TINAG: variants seen among roughly 807,000 people sequenced by gnomAD.
TINAG encodes tubulointerstitial nephritis antigen.
TINAG carries 83 observed loss-of-function variants against 72.7 expected under a neutral mutation model. That is an observed-to-expected ratio of 1.14 (90% CI 0.96 to 1.37). The LOEUF (loss-of-function observed/expected upper bound fraction) is 1.37, where lower values mean the gene tolerates loss of function less well. Ranked by LOEUF, TINAG falls within the 40% of genes most tolerant of loss-of-function variation. The pLI is 0.00. For synonymous variants in TINAG, 234 were observed against 189.9 expected (o/e 1.23, Z -1.91); for missense variants, 685 against 576.6 (o/e 1.19, Z -1.93).
chr6:54,351,877 G>A (rs1015506816), intron 8 of TINAG, among the ~76,000 whole-genome samples: 6 of 151,812 alleles, frequency 4.0e-5, no homozygotes, highest in East Asian at 1.9e-4. Context: ...GTAAACTAGT[G>A]TAATTTTACA....
intron 5 of TINAG, among the ~76,000 whole-genome samples, 187 bp downstream of exon 5, chr6:54,343,536 T>A (rs1409764039): frequency 2.0e-5 from 3 of 151,554 alleles, no homozygotes; most frequent in Non-Finnish European, 4.4e-5. Context: ...TCTAAAAGTT[T>A]TTTTTTTTTA....
intron 3 of TINAG, among the ~76,000 whole-genome samples, chr6:54,322,333 C>CAA (rs148020265): frequency 1.4e-4 from 20 of 146,780 alleles, no homozygotes; most frequent in African/African-American, 4.3e-4. Context: ...AACAAACAAA[C>CAA]AAAAAAAAAA....
chr6:54,361,205 A>G (rs1423821586), intron 9 of TINAG, among the ~76,000 whole-genome samples: 2 of 151,498 alleles, frequency 1.3e-5, no homozygotes, highest in Non-Finnish European at 3.0e-5. Context: ...CAACAATATT[A>G]AAATTATGGT....
At chr6:54,388,195 A>G (rs1380059017) in intron 10 of TINAG, among the ~76,000 whole-genome samples, 1 of 152,198 alleles carries the variant, frequency 6.6e-6, no homozygotes, top group Non-Finnish European at 1.5e-5. Flanking sequence ...ATATAGATAC[A>G]GATATATGAA....
chr6:54,388,745 A>C (rs2150987390), intron 10 of TINAG, among the ~76,000 whole-genome samples: 1 of 152,032 alleles, frequency 6.6e-6, no homozygotes, highest in South Asian at 2.1e-4. Flanking sequence ...CAAGCTTTTA[A>C]CCCAGGAGTC....
At chr6:54,387,025 C>G in intron 10 of TINAG, among the ~76,000 whole-genome samples, 1 of 151,892 alleles carries the variant, frequency 6.6e-6, no homozygotes. Flanking sequence ...CTGACAAGTC[C>G]TCACATATAC....
intron 10 of TINAG, among the ~76,000 whole-genome samples, chr6:54,387,049 T>G (rs1764118216): frequency 6.6e-6 from 1 of 152,104 alleles, no homozygotes; most frequent in South Asian, 2.1e-4. Context: ...AAATAGACAT[T>G]CTTACAAATA....
chr6:54,363,421 G>T (rs779262035), intron 9 of TINAG, among the ~76,000 whole-genome samples: 7 of 151,320 alleles, frequency 4.6e-5, no homozygotes, highest in Non-Finnish European at 8.9e-5. Context: ...GATATGAGTG[G>T]ATCAAGACAT....
intron 5 of TINAG, 48 bp downstream of exon 5, chr6:54,343,397 T>C: frequency 7.2e-7 from 1 of 1,386,958 alleles, no homozygotes; most frequent in South Asian, 2.1e-5. Flanking sequence ...TCCTTTTGGC[T>C]CTAGAGACTG....
intron 4 of TINAG, among the ~76,000 whole-genome samples, chr6:54,337,217 G>C (rs1784886359): frequency 1.4e-5 from 2 of 143,262 alleles, no homozygotes; most frequent in South Asian, 4.6e-4. Context: ...AATTTTCCAA[G>C]TTTAGTTTCT....
At chr6:54,309,534 T>A (rs1437586985) in intron 1 of TINAG, among the ~76,000 whole-genome samples, 1 of 152,202 alleles carries the variant, frequency 6.6e-6, no homozygotes, top group Non-Finnish European at 1.5e-5. Context: ...TCATATAGAC[T>A]GGTTGAAAAA....
chr6:54,359,031 G>A (rs557334653), intron 9 of TINAG, among the ~76,000 whole-genome samples: 23 of 151,604 alleles, frequency 1.5e-4, no homozygotes, highest in African/African-American at 5.1e-4. Context: ...ATTTTTCTTC[G>A]GTACAGAACA....
At position 54,354,389 on chromosome 6, in the gene TINAG, C is replaced by A. The variant is rs1237178304; in HGVS notation, c.1127-124C>A. 2.1e-5 allele frequency: 18 copies of A among 853,134 alleles called. No individual in the cohort carries two copies. The East Asian group carries it at 4.5e-4, about 21-fold the overall frequency. The allele number at this position is 853,134 out of a possible 1,614,324, so 52.8% of individuals were successfully genotyped here. On this transcript the variant is annotated intron_variant, in intron 8 of 10. Coordinates refer to ENST00000259782, the MANE Select transcript of TINAG (RefSeq NM_014464.4). ...TAGGAAAGAAAATTAGGCTGAATCACACAGCCCCTTCTTAGATTCATCTCC... is the reference window on the plus strand; with the variant it reads ...TAGGAAAGAAAATTAGGCTGAATCAAACAGCCCCTTCTTAGATTCATCTCC...
At chr6:54,356,371 T>TA (rs1015344496) in intron 9 of TINAG, among the ~76,000 whole-genome samples, 10 of 151,146 alleles carry the variant, frequency 6.6e-5, no homozygotes, top group East Asian at 2.0e-4. Context: ...CCTCTTTCTA[T>TA]AAAAAAAATA....
At chr6:54,350,483 GTAC>G (rs1366281194) in intron 7 of TINAG, among the ~76,000 whole-genome samples, 1 of 151,448 alleles carries the variant, frequency 6.6e-6, no homozygotes, top group African/African-American at 2.4e-5. Context: ...TGGTTTTGAC[GTAC>G]TACTTTTATA....
intron 4 of TINAG, among the ~76,000 whole-genome samples, chr6:54,334,634 A>G (rs1245407793): frequency 5.3e-5 from 8 of 152,206 alleles, no homozygotes; most frequent in Non-Finnish European, 1.0e-4. Context: ...CAAGATTGAG[A>G]GAGGTTAAAA....
At chr6:54,337,906 T>G (rs902903906) in intron 4 of TINAG, among the ~76,000 whole-genome samples, 31 of 152,246 alleles carry the variant, frequency 2.0e-4, no homozygotes, top group Non-Finnish European at 1.5e-5. Flanking sequence ...ATCTCAGAAT[T>G]TTTTCATCCA....
chr6:54,385,290 G>C (rs1018166015), intron 10 of TINAG, among the ~76,000 whole-genome samples: 6 of 151,922 alleles, frequency 3.9e-5, no homozygotes, highest in Non-Finnish European at 2.9e-5. Flanking sequence ...GAGACAAATT[G>C]CCATAGAAAT....
chr6:54,347,597 T>A, intron 6 of TINAG, 80 bp downstream of exon 6: 1 of 1,473,734 alleles, frequency 6.8e-7, no homozygotes, highest in South Asian at 1.4e-5. Context: ...AATCCCAAGA[T>A]TTTTACAAAA....
Sources: gnomAD v4.1 joint callset for allele counts (sites outside exome capture counted in the v4.1 genomes callset) on GRCh38, gnomAD v4.1.1 for gene constraint, MANE v1.5 for transcripts, NCBI Gene and HGNC (gene_info 2026-07-23, HGNC 2026-07-21) for gene names.